The following PLA2G12B variants were observed in gnomAD, a reference collection of about 807,000 sequenced individuals.
PLA2G12B encodes group XIIB secretory phospholipase A2-like protein.
PLA2G12B carries 19 observed loss-of-function variants against 22.3 expected under a neutral mutation model. That is an observed-to-expected ratio of 0.85 (90% CI 0.60 to 1.25). The LOEUF is 1.25. Ranked by LOEUF, PLA2G12B falls within the 50% of genes most tolerant of loss-of-function variation. The probability of loss-of-function intolerance (pLI) is 0.00; values close to 1 mark genes in which losing one functional copy is unlikely to be tolerated. For synonymous variants in PLA2G12B, 81 were observed against 94.9 expected (o/e 0.85, Z 0.85); for missense variants, 191 against 246.6 (o/e 0.77, Z 1.51).
At chr10:72,936,126 G>T (rs1451716871) in intron 3 of PLA2G12B, among the ~76,000 whole-genome samples, 1 of 152,016 alleles carries the variant, frequency 6.6e-6, no homozygotes, top group Admixed American at 6.6e-5. Flanking sequence ...CACTGTTCAA[G>T]TATTGGATGA....
intron 1 of PLA2G12B, among the ~76,000 whole-genome samples, chr10:72,954,094 C>T (rs1313720132): frequency 6.7e-6 from 1 of 149,938 alleles, no homozygotes; most frequent in African/African-American, 2.5e-5. Flanking sequence ...ACAGAGGCCT[C>T]TCATACCCAC....
intron 3 of PLA2G12B, among the ~76,000 whole-genome samples, chr10:72,937,648 A>G (rs1375434779): frequency 6.6e-6 from 1 of 152,198 alleles, no homozygotes; most frequent in African/African-American, 2.4e-5. Context: ...TCAACAAAAT[A>G]GTAGTAAACT....
intron 2 of PLA2G12B, among the ~76,000 whole-genome samples, chr10:72,941,813 C>T (rs920662859): frequency 4.7e-5 from 7 of 148,876 alleles, no homozygotes; most frequent in Non-Finnish European, 7.5e-5. Flanking sequence ...TAAGGGTGTG[C>T]GTGTGTGTGT....
intron 3 of PLA2G12B, among the ~76,000 whole-genome samples, chr10:72,938,307 G>A (rs1025537284): frequency 5.3e-5 from 8 of 151,964 alleles, no homozygotes; most frequent in East Asian, 1.9e-4. Context: ...ATGTCCACTC[G>A]CAATACTTCT....
rs945630588 is a variant in PLA2G12B at position 72,954,606 on chromosome 10, G to C, written c.80C>G (p.Thr27Arg). The change falls in exon 1 of 4, where the codon ACG (threonine) becomes AGG (arginine). Residue 27 changes from threonine (T) to arginine (R), a missense_variant. Coordinates refer to ENST00000373032, the MANE Select transcript of PLA2G12B (RefSeq NM_032562.5). ...GCCCCAGTCTGAATAGGACTCCTCC[G>C]TGTCAGGGCTCGTGTCGCTCTGAGC... ...GLAQSDTSPD[T>R]EESYSDWGLR... 2 of 1,614,120 alleles carry C rather than the reference G, an allele frequency of 1.2e-6. No homozygotes were observed. Among genetic ancestry groups the C allele is most frequent in the Non-Finnish European group, 1.7e-6 (2 of 1,180,030 alleles).
intron 2 of PLA2G12B, among the ~76,000 whole-genome samples, chr10:72,942,149 G>GGTGTGTGTGTGTGTGTGT (rs34740594): frequency 6.6e-5 from 9 of 136,038 alleles, no homozygotes; most frequent in African/African-American, 2.1e-4. Context: ...CAGGGCGTCG[G>GGTGTGTGTGTGTGTGTGT]GTGTGTGTGT....
intron 3 of PLA2G12B, among the ~76,000 whole-genome samples, chr10:72,938,040 G>C (rs1052647374): frequency 6.6e-6 from 1 of 151,652 alleles, no homozygotes; most frequent in Admixed American, 6.6e-5. Context: ...CTTGAACCCG[G>C]GGTGTGGAGG....
chr10:72,954,618 G>C lies in PLA2G12B; in HGVS notation c.68C>G (p.Thr23Arg), dbSNP rs768585955. 45 of 1,614,016 alleles carry C rather than the reference G, an allele frequency of 2.8e-5. No individual in the cohort carries two copies. Among genetic ancestry groups the C allele is most frequent in the Non-Finnish European group, 3.5e-5 (41 of 1,180,030 alleles). Residue 23 changes from threonine to arginine, a missense_variant, in exon 1 of 4, where the codon ACG (threonine) becomes AGG (arginine). Transcript: ENST00000373032. ...SLGGGLAQSD[T>R]SPDTEESYSD... is the part of the protein sequence containing the mutation. ...ATAGGACTCCTCCGTGTCAGGGCTC[G>C]TGTCGCTCTGAGCCAGGCCACCCCC...
chr10:72,944,202 T>C (rs904892820), intron 1 of PLA2G12B, among the ~76,000 whole-genome samples: 2 of 152,204 alleles, frequency 1.3e-5, no homozygotes, highest in African/African-American at 4.8e-5. Context: ...AACAGCCATG[T>C]ACCAAATGCA....
Position 72,954,723 on chromosome 10 carries a change from C to T in PLA2G12B, c.-38G>A, listed in dbSNP as rs781074845. ...TAGGTACTGGCTTCTCTCCTCAAAC[C>T]CCAGCCAGTGTCCCAGAATTCCAGG... On this transcript the variant is annotated 5_prime_UTR_variant, in exon 1 of 4. Coordinates refer to ENST00000373032, the MANE Select transcript of PLA2G12B (RefSeq NM_032562.5). The T allele has an allele frequency of 1.9e-6, 3 of 1,604,232 alleles. No individual in the cohort carries two copies. The highest frequency in any genetic ancestry group is 2.6e-6 in the Non-Finnish European group (3 of 1,173,848).
At chr10:72,948,931 C>A (rs1846484216) in intron 1 of PLA2G12B, among the ~76,000 whole-genome samples, 1 of 152,192 alleles carries the variant, frequency 6.6e-6, no homozygotes, top group South Asian at 2.1e-4. Flanking sequence ...CAGCGGTAGA[C>A]ACTGCCTCCC....
In PLA2G12B at chr10:72,935,660, C is replaced by T. The variant is rs377001683; in HGVS notation, c.545G>A (p.Arg182Gln). The T allele has an allele frequency of 2.5e-6, 4 of 1,614,048 alleles. No individual in the cohort carries two copies. The highest frequency in any genetic ancestry group is 1.3e-5 in the African/African-American group (1 of 74,920). Residue 182 changes from arginine to glutamine, a missense_variant, in exon 4 of 4, where the codon CGG becomes CAG. Physicochemically the swap from Arg to Gln is conservative, Grantham distance 43. Transcript: ENST00000373032. ...LGCRPFMNSQ[R>Q]AACICAEEEK... The stretch of plus-strand genomic sequence containing the variant: ...CTCCTCTGCACAGATGCAAGCTGCC[C>T]GCTGACTATTCATAAAGGGGCGGCA...
intron 1 of PLA2G12B, among the ~76,000 whole-genome samples, chr10:72,948,442 G>A (rs1846476702): frequency 6.6e-6 from 1 of 152,134 alleles, no homozygotes; most frequent in Admixed American, 6.6e-5. Context: ...AAGACAAAAG[G>A]TAATGGTTTC....
intron 1 of PLA2G12B, among the ~76,000 whole-genome samples, chr10:72,949,093 T>C (rs1327027418): frequency 6.6e-6 from 1 of 152,246 alleles, no homozygotes; most frequent in East Asian, 1.9e-4. Flanking sequence ...GGAGTGAGTA[T>C]GCTTTATTAA....
chr10:72,941,436 T>C, intron 2 of PLA2G12B, 102 bp from the exon 3 acceptor site: 2 of 1,185,168 alleles, frequency 1.7e-6, no homozygotes, highest in Non-Finnish European at 2.4e-6. Context: ...TAGCTGGTTC[T>C]CACATTTCTG....
intron 3 of PLA2G12B, 38 bp from the exon 4 acceptor site, chr10:72,935,776 G>A: frequency 6.2e-7 from 1 of 1,601,476 alleles, no homozygotes; most frequent in South Asian, 1.1e-5. Context: ...GGTTAACCCT[G>A]AGTAATTTTG....
intron 1 of PLA2G12B, among the ~76,000 whole-genome samples, chr10:72,947,061 C>CT (rs1268007357): frequency 6.6e-6 from 1 of 151,934 alleles, no homozygotes; most frequent in Non-Finnish European, 1.5e-5. Flanking sequence ...CTAGCTATGA[C>CT]TGCAGGTGCA....
intron 1 of PLA2G12B, among the ~76,000 whole-genome samples, chr10:72,944,976 C>G (rs1346301157): frequency 6.6e-6 from 1 of 152,156 alleles, no homozygotes; most frequent in Non-Finnish European, 1.5e-5. Context: ...AATCAAATGG[C>G]AAAATCTGGT....
intron 1 of PLA2G12B, among the ~76,000 whole-genome samples, chr10:72,951,452 C>CT (rs71482537): frequency 0.056 from 6,552 of 117,006 alleles, 456 homozygotes; most frequent in African/African-American, 0.17. Flanking sequence ...GCACAGACTC[C>CT]TTTTTTTTTT....
Sources: gnomAD v4.1 joint callset for allele counts (sites outside exome capture counted in the v4.1 genomes callset) on GRCh38, gnomAD v4.1.1 for gene constraint, MANE v1.5 for transcripts, NCBI Gene and HGNC (gene_info 2026-07-23, HGNC 2026-07-21) for gene names.